Variants in ATG5 observed in about 807,000 individuals in gnomAD.
ATG5 encodes autophagy protein 5.
A neutral mutation model predicts 36.5 loss-of-function variants in ATG5; 14 were observed. The observed-to-expected ratio is 0.38, with a 90% CI of 0.25 to 0.60. The LOEUF is 0.60. Ranked by LOEUF, ATG5 falls within the 20% of genes least tolerant of loss-of-function variation. The pLI, the probability that ATG5 is intolerant of heterozygous loss-of-function variation, is 0.60. For missense variants in ATG5, 195 were observed against 326.7 expected, an observed-to-expected ratio of 0.60 and a Z score of 3.11; for synonymous variants, 95 against 101.5, an observed-to-expected ratio of 0.94 and a Z score of 0.38.
chr6:106,310,379 T>TTA (rs1045694597), intron 2 of ATG5, among the ~76,000 whole-genome samples: 4 of 152,138 alleles, frequency 2.6e-5, no homozygotes, highest in African/African-American at 4.8e-5. Context: ...CTCTAAGATT[T>TTA]AAGAATGACT....
At chr6:106,258,806 T>G (rs1778899075) in intron 5 of ATG5, among the ~76,000 whole-genome samples, 1 of 152,214 alleles carries the variant, frequency 6.6e-6, no homozygotes, top group African/African-American at 2.4e-5. Flanking sequence ...TATCAAAAAT[T>G]CCAGGGTTCT....
chr6:106,259,509 G>A (rs1253107986), intron 5 of ATG5, among the ~76,000 whole-genome samples: 2 of 152,166 alleles, frequency 1.3e-5, no homozygotes, highest in Admixed American at 1.3e-4. Context: ...AAATACTGGT[G>A]AGAATGAGCT....
chr6:106,257,290 A>G (rs1778838196), intron 5 of ATG5, among the ~76,000 whole-genome samples: 2 of 152,254 alleles, frequency 1.3e-5, no homozygotes, highest in Non-Finnish European at 2.9e-5. Flanking sequence ...TGAACACTCT[A>G]AAATAATGAA....
chr6:106,295,760 A>G (rs1769900380), intron 3 of ATG5, among the ~76,000 whole-genome samples: 1 of 151,830 alleles, frequency 6.6e-6, no homozygotes, highest in South Asian at 2.1e-4. Context: ...GATAGTGTCC[A>G]ACTATGTTGC....
intron 5 of ATG5, among the ~76,000 whole-genome samples, chr6:106,251,974 G>A (rs1778610504): frequency 6.6e-6 from 1 of 151,968 alleles, no homozygotes; most frequent in Admixed American, 6.6e-5. Flanking sequence ...CCAAGTAGCT[G>A]GGGTTATAGG....
intron 6 of ATG5, among the ~76,000 whole-genome samples, chr6:106,214,603 T>A (rs1776971494): frequency 6.6e-6 from 1 of 152,194 alleles, no homozygotes; most frequent in African/African-American, 2.4e-5. Context: ...AGTTTATGTT[T>A]TGTCTTATTT....
intron 3 of ATG5, 125 bp downstream of exon 3, chr6:106,308,239 T>A (rs1770524451): frequency 1.3e-6 from 1 of 740,786 alleles, no homozygotes; most frequent in African/African-American, 1.8e-5. Context: ...AAACTTCACA[T>A]ATTGTATGAG....
chr6:106,236,871 T>C (rs1200376767), intron 6 of ATG5, among the ~76,000 whole-genome samples: 2 of 152,184 alleles, frequency 1.3e-5, no homozygotes, highest in African/African-American at 2.4e-5. Context: ...CACTAGCACA[T>C]AGAACTGTGC....
chr6:106,284,155 T>TATGATAA (rs932160168), intron 4 of ATG5, among the ~76,000 whole-genome samples: 65 of 152,236 alleles, frequency 4.3e-4, no homozygotes. Flanking sequence ...TATTTCCCTA[T>TATGATAA]TTTGCATATC....
chr6:106,293,339 G>A (rs1424910186), intron 3 of ATG5, among the ~76,000 whole-genome samples: 1 of 152,150 alleles, frequency 6.6e-6, no homozygotes, highest in African/African-American at 2.4e-5. Context: ...ATGCACAATA[G>A]GATTGTGGGC....
intron 4 of ATG5, among the ~76,000 whole-genome samples, chr6:106,281,692 G>A (rs2114605794): frequency 6.6e-6 from 1 of 152,200 alleles, no homozygotes; most frequent in South Asian, 2.1e-4. Context: ...GTATACAGCT[G>A]GAAAAAGAAA....
intron 2 of ATG5, among the ~76,000 whole-genome samples, chr6:106,310,463 G>C (rs1463004405): frequency 6.6e-6 from 1 of 151,862 alleles, no homozygotes; most frequent in Admixed American, 6.6e-5. Flanking sequence ...ACAATGAAAA[G>C]ACATCATCTT....
intron 1 of ATG5, among the ~76,000 whole-genome samples, chr6:106,324,532 ATTC>A (rs1771219115): frequency 6.6e-6 from 1 of 152,082 alleles, no homozygotes; most frequent in Non-Finnish European, 1.5e-5. Context: ...AGGGATTTTT[ATTC>A]TTTTGTTTAC....
chr6:106,290,025 A>G (rs866832744), intron 4 of ATG5, among the ~76,000 whole-genome samples: 1 of 150,594 alleles, frequency 6.6e-6, no homozygotes, highest in African/African-American at 2.4e-5. Context: ...TCAGTTTATT[A>G]TATTATTATT....
intron 6 of ATG5, among the ~76,000 whole-genome samples, chr6:106,203,309 C>A (rs1378869109): frequency 6.6e-6 from 1 of 152,054 alleles, no homozygotes; most frequent in African/African-American, 2.4e-5. Flanking sequence ...TACAGAGGCT[C>A]TGAAATGAGC....
intron 3 of ATG5, among the ~76,000 whole-genome samples, chr6:106,306,979 C>T (rs1309793763): frequency 6.6e-6 from 1 of 152,142 alleles, no homozygotes; most frequent in East Asian, 1.9e-4. Flanking sequence ...AGAAAGAATG[C>T]TATAACAAGA....
At chr6:106,287,438 A>G (rs1780123007) in intron 4 of ATG5, among the ~76,000 whole-genome samples, 2 of 152,228 alleles carry the variant, frequency 1.3e-5, no homozygotes, top group Middle Eastern at 3.2e-3. Flanking sequence ...TATCTCTGGC[A>G]TTCAGCAGAG....
chr6:106,186,663 C>T lies in ATG5; in HGVS notation c.705G>A (p.Lys235=), dbSNP rs759096052. The T allele has an allele frequency of 5.6e-6, 9 of 1,613,060 alleles. No individual in the cohort carries two copies. The East Asian group carries it at 2.0e-4, about 36-fold the overall frequency. The part of the protein sequence containing the change: ...SAIDPEDGEK[K]NQVMIHGIEP... The stretch of plus-strand genomic sequence containing the variant: ...CAATTCCATGAATCATCACTTGATT[C>T]TTTTTTTCCCCATCTATTCCAAGAA... The change falls in exon 8 of 8, where the codon AAG becomes AAA. Residue 235 remains lysine, a synonymous_variant. Transcript: ENST00000369076.
intron 4 of ATG5, among the ~76,000 whole-genome samples, chr6:106,285,686 C>T (rs769087514): frequency 5.9e-5 from 9 of 152,120 alleles, no homozygotes; most frequent in African/African-American, 1.2e-4. Flanking sequence ...CTGTTGTAGC[C>T]GCAAAGCAGT....
Sources: allele counts gnomAD v4.1 joint callset (sites outside exome capture counted in the v4.1 genomes callset), GRCh38; gene constraint gnomAD v4.1.1; transcripts MANE v1.5; gene names NCBI Gene and HGNC (gene_info 2026-07-23, HGNC 2026-07-21).